The following CDC16 variants were observed in gnomAD, a reference collection of about 807,000 sequenced individuals.
CDC16 encodes the protein cell division cycle protein 16 homolog.
CDC16 carries 34 observed loss-of-function variants against 87.0 expected under a neutral mutation model. The ratio of observed to expected loss-of-function variants is 0.39; its 90% CI spans 0.30 to 0.52. The LOEUF is 0.52. CDC16 is among the 20% of genes least tolerant of loss of function. The probability of loss-of-function intolerance (pLI) is 0.74; values close to 1 mark genes in which losing one functional copy is unlikely to be tolerated. For synonymous variants in CDC16, 263 were observed against 260.6 expected (o/e 1.01, Z -0.09); for missense variants, 653 against 751.9 (o/e 0.87, Z 1.54).
intron 9 of CDC16, among the ~76,000 whole-genome samples, chr13:114,245,262 TCC>T (rs3215865): frequency 2.9e-5 from 4 of 139,388 alleles, no homozygotes; most frequent in East Asian, 2.0e-4. Context: ...CAGTTCTGCC[TCC>T]CCCCCCCTTT....
At position 114,247,148 on chromosome 13, in the gene CDC16, CTT is replaced by C; in HGVS notation, c.971+146_971+147del. The stretch of plus-strand genomic sequence containing the variant: ...TTTTCTTCCTTTCTTTTCTTTCTCT[CTT>C]TCTTTCTTGCCTTTTCTTTTCCTTC... On this transcript the variant is annotated intron_variant, in intron 11 of 17. Coordinates refer to ENST00000356221, the MANE Select transcript of CDC16 (RefSeq NM_001078645.3). 3 of 610,564 alleles carry C rather than the reference CTT, an allele frequency of 4.9e-6. No individual in the cohort carries two copies. The South Asian group carries it at 6.1e-5, about 12-fold the overall frequency. 37.8% of individuals were successfully genotyped at this position (610,564 alleles called of 1,614,324 possible). A position where few individuals can be genotyped will look rare whatever the true frequency, so the allele number is the denominator to read the frequency against.
rs1283693797 is a variant in CDC16, at chr13:114,248,757, G to A, written c.971+1753G>A. Among the ~76,000 whole-genome samples the A allele has an allele frequency of 2.0e-5, 3 of 152,108 alleles. 1 individual carries two copies. Among genetic ancestry groups the A allele is most frequent in the Non-Finnish European group, 4.4e-5 (3 of 68,022 alleles). ...GGATTGTTAGGAAGACTGATGCCAC[G>A]AAAGTACCCTGTACTAGGAAGAAAC... On this transcript the variant is annotated intron_variant, in intron 11 of 17. Coordinates refer to ENST00000356221, the MANE Select transcript of CDC16 (RefSeq NM_001078645.3).
rs2082119381 is a variant in CDC16, at chr13:114,250,600, A to T, written c.1023A>T (p.Gly341=). The T allele has an allele frequency of 1.2e-6, 2 of 1,613,936 alleles. No individual in the cohort carries two copies. Among genetic ancestry groups the T allele is most frequent in the Non-Finnish European group, 1.7e-6 (2 of 1,179,940 alleles). ...KTYGPAWIAY[G]HSFAVESEHD... ...ATGGACCTGCATGGATAGCCTATGGACATTCATTTGCGGTGGAGAGTGAGC... is the reference window on the plus strand; with the variant it reads ...ATGGACCTGCATGGATAGCCTATGGTCATTCATTTGCGGTGGAGAGTGAGC... Residue 341 remains glycine (G), a synonymous_variant, in exon 12 of 18, where the codon GGA becomes GGT. Transcript: ENST00000356221.
At chr13:114,269,766 G>A (rs568720798) in intron 17 of CDC16, among the ~76,000 whole-genome samples, 67 of 152,258 alleles carry the variant, frequency 4.4e-4, no homozygotes, top group Non-Finnish European at 6.2e-4. Context: ...GTGCAGGGGC[G>A]CCATCTCGGC....
At chr13:114,272,115 T>C in intron 17 of CDC16, 69 bp from the exon 18 acceptor site, 1 of 851,812 alleles carries the variant, frequency 1.2e-6, no homozygotes, top group Non-Finnish European at 1.8e-6. Context: ...AGAGATGGTG[T>C]TATATAACAA....
chr13:114,235,108 G>C lies in CDC16; in HGVS notation c.24G>C (p.Lys8Asn), dbSNP rs749766924. 2.4e-5 allele frequency: 30 copies of C among 1,245,690 alleles called. No individual in the cohort carries two copies. In the East Asian group the frequency reaches 5.3e-4, roughly 22 times the overall value. The allele number at this position is 1,245,690 out of a possible 1,614,324, so 77.2% of individuals were successfully genotyped here. The change falls in exon 1 of 18, where the codon AAG (lysine) becomes AAC (asparagine). Residue 8 changes from lysine (K) to asparagine (N), a missense_variant. Physicochemically the swap from Lys to Asn is moderately conservative, Grantham distance 94. Transcript: ENST00000356221. MNLERLR[K>N]RVRQYLDQQQ... ...CCATGAACCTAGAGCGGCTGCGGAA[G>C]CGCGTCCGGCAGTACCTCGACCAGG...
At chr13:114,260,678 C>G (rs576307795) in intron 14 of CDC16, among the ~76,000 whole-genome samples, 5 of 152,258 alleles carry the variant, frequency 3.3e-5, no homozygotes, top group African/African-American at 1.2e-4. Flanking sequence ...ATTGAAATGT[C>G]AAAATGCTCA....
rs778581443 is a variant in CDC16, at chr13:114,242,142, C to G, written c.403C>G (p.Leu135Val). 1 of 1,610,802 alleles carries G rather than the reference C, an allele frequency of 6.2e-7. No homozygotes were observed. Among genetic ancestry groups the G allele is most frequent in the Non-Finnish European group, 8.5e-7 (1 of 1,179,174 alleles). Residue 135 changes from leucine (L) to valine (V), a missense_variant, in exon 6 of 18, where the codon CTA becomes GTA. Transcript: ENST00000356221. Reference protein sequence around the residue: ...QSSIKSSICLLRGKIYDALDN... With the variant: ...QSSIKSSICLVRGKIYDALDN... The stretch of plus-strand genomic sequence containing the variant: ...ACAGATAAAGAGTTCTATCTGTCTT[C>G]TACGCGGGAAAATCTATGATGCTCT...
rs1481638579 is a variant in CDC16, at chr13:114,242,177, A to T, written c.438A>T (p.Arg146=). ...RGKIYDALDN[R]TLATYSYKEA... is the part of the protein sequence containing the mutation. The stretch of plus-strand genomic sequence containing the variant: ...AAATCTATGATGCTCTAGATAACCG[A>T]ACCCTGGCTACCTACAGCTACAAAG... The change falls in exon 6 of 18, where the codon CGA becomes CGT. Residue 146 remains arginine (R), a synonymous_variant. Transcript: ENST00000356221. The T allele has an allele frequency of 6.2e-7, 1 of 1,614,080 alleles. No homozygotes were observed. The highest frequency in any genetic ancestry group is 8.5e-7 in the Non-Finnish European group (1 of 1,180,006).
intron 16 of CDC16, among the ~76,000 whole-genome samples, chr13:114,264,681 G>A (rs528546938): frequency 1.3e-5 from 2 of 151,334 alleles, no homozygotes; most frequent in South Asian, 4.2e-4. Flanking sequence ...GTACGATCTC[G>A]GCTCACTGCA....
intron 5 of CDC16, among the ~76,000 whole-genome samples, chr13:114,239,806 G>T (rs1434837450): frequency 6.6e-6 from 1 of 151,990 alleles, no homozygotes; most frequent in Non-Finnish European, 1.5e-5. Flanking sequence ...CAGTGTTTTG[G>T]ACCTACACCA....
intron 17 of CDC16, among the ~76,000 whole-genome samples, chr13:114,268,770 G>A (rs929909773): frequency 3.9e-5 from 6 of 152,108 alleles, no homozygotes; most frequent in East Asian, 1.9e-4. Context: ...CAGCGATCAC[G>A]CCACTGCACT....
chr13:114,248,467 G>A (rs763218845), intron 11 of CDC16, among the ~76,000 whole-genome samples: 1 of 152,170 alleles, frequency 6.6e-6, no homozygotes, highest in Non-Finnish European at 1.5e-5. Flanking sequence ...GATTACCTTA[G>A]GTCAGGAGTT....
At chr13:114,266,716 C>T (rs1012491014) in intron 17 of CDC16, among the ~76,000 whole-genome samples, 4 of 150,188 alleles carry the variant, frequency 2.7e-5, no homozygotes, top group Admixed American at 6.7e-5. Context: ...TTTTTTGAGA[C>T]GGAGTCTCGC....
chr13:114,236,622 C>CTTT (rs372357906), intron 1 of CDC16, 23 bp from the exon 2 acceptor site: 17 of 1,407,068 alleles, frequency 1.2e-5, no homozygotes, highest in Admixed American at 5.8e-5. Flanking sequence ...CAGTTACCAC[C>CTTT]TTTTTTTTTT....
intron 11 of CDC16, chr13:114,247,294 C>T: frequency 2.9e-6 from 1 of 345,202 alleles, no homozygotes; most frequent in Non-Finnish European, 5.3e-6. Context: ...TCCCGAGTAG[C>T]TGGGACTACA....
chr13:114,250,081 A>C (rs2138986477), intron 11 of CDC16, among the ~76,000 whole-genome samples: 1 of 152,266 alleles, frequency 6.6e-6, no homozygotes, highest in Non-Finnish European at 1.5e-5. Flanking sequence ...TCAGTGACTC[A>C]AGAGCCTGAG....
intron 9 of CDC16, 82 bp from the exon 10 acceptor site, chr13:114,245,918 A>G: frequency 1.3e-6 from 1 of 745,096 alleles, no homozygotes; most frequent in Non-Finnish European, 2.3e-6. Context: ...GAATTATATG[A>G]TTGTGAAGAG....
At position 114,262,736 on chromosome 13, in the gene CDC16, G is replaced by A. The variant is rs75167112; in HGVS notation, c.1377-143G>A. ...AGAGGGCATATTGAGATGCATGAGA[G>A]TAGGTGTGGAGAACATTCACCAGTC... is the stretch of plus-strand genomic sequence containing the variant. On this transcript the variant is annotated intron_variant, in intron 15 of 17. Coordinates refer to ENST00000356221, the MANE Select transcript of CDC16 (RefSeq NM_001078645.3). 641 of 766,858 alleles carry A rather than the reference G, an allele frequency of 8.4e-4. 7 individuals are homozygous for A. In the East Asian group the frequency reaches 0.015, roughly 18 times the overall value. The allele number at this position is 766,858 out of a possible 1,614,324, so 47.5% of individuals were successfully genotyped here.
Sources: gnomAD v4.1 joint callset for allele counts (sites outside exome capture counted in the v4.1 genomes callset) on GRCh38, gnomAD v4.1.1 for gene constraint, MANE v1.5 for transcripts, NCBI Gene and HGNC (gene_info 2026-07-23, HGNC 2026-07-21) for gene names.